The following ENPP3 variants were observed in gnomAD, a reference collection of about 807,000 sequenced individuals.
ENPP3 encodes the protein ectonucleotide pyrophosphatase/phosphodiesterase family member 3.
A neutral mutation model predicts 117.8 loss-of-function variants in ENPP3; 104 were observed. The observed-to-expected ratio is 0.88, with a 90% CI of 0.75 to 1.04. The LOEUF (loss-of-function observed/expected upper bound fraction) is 1.04, where lower values mean the gene tolerates loss of function less well. Among genes scored for constraint, ENPP3 ranks in the 50% least tolerant of loss-of-function variants. The pLI is 0.00. For missense variants in ENPP3, 1,026 were observed against 1,051.9 expected (o/e 0.98, Z 0.34); for synonymous variants, 380 against 349.9 (o/e 1.09, Z -0.96).
chr6:131,663,420 C>G (rs1331149340), intron 6 of ENPP3, among the ~76,000 whole-genome samples: 1 of 149,398 alleles, frequency 6.7e-6, no homozygotes, highest in Admixed American at 6.8e-5. Flanking sequence ...GGCATGGTTG[C>G]TTATATCTGC....
chr6:131,670,498 T>C (rs1252935720), intron 6 of ENPP3, among the ~76,000 whole-genome samples: 2 of 152,284 alleles, frequency 1.3e-5, no homozygotes, highest in Admixed American at 1.3e-4. Flanking sequence ...TATTTATTTA[T>C]TTATTTATTT....
intron 6 of ENPP3, among the ~76,000 whole-genome samples, chr6:131,670,329 G>C (rs941701309): frequency 6.6e-6 from 1 of 152,178 alleles, no homozygotes; most frequent in African/African-American, 2.4e-5. Flanking sequence ...AGATGCCAAT[G>C]CTATATAAAG....
chr6:131,710,710 T>C lies in ENPP3; in HGVS notation c.1413-7962T>C, dbSNP rs955589768. On this transcript the variant is annotated intron_variant, in intron 15 of 24. Transcript: ENST00000357639. ...AGATGACTCTACTTCATAGCCTTCA[T>C]ACTCTTTTTGAATAAGGCTAAACTT... 6.2e-7 allele frequency: 1 copy of C among 1,611,212 alleles called. No homozygotes were observed. The highest frequency in any genetic ancestry group is 2.2e-5 in the East Asian group (1 of 44,792).
intron 11 of ENPP3, among the ~76,000 whole-genome samples, chr6:131,679,089 T>TTTCCTTC (rs1562447085): frequency 3.6e-4 from 29 of 80,534 alleles, no homozygotes; most frequent in African/African-American, 1.5e-3. Flanking sequence ...TTCTTTCTTT[T>TTTCCTTC]CTTCTTTCTT....
chr6:131,726,336 G>A (rs1780154067), intron 20 of ENPP3, 136 bp downstream of exon 20: 2 of 676,574 alleles, frequency 3.0e-6, no homozygotes, highest in Non-Finnish European at 4.9e-6. Context: ...AAGACAATGT[G>A]CAAGTATTAG....
chr6:131,699,254 A>AAAAAAAAAAAG, intron 15 of ENPP3, among the ~76,000 whole-genome samples: 1 of 151,842 alleles, frequency 6.6e-6, no homozygotes, highest in African/African-American at 2.4e-5. Context: ...AAAAAAAAAA[A>AAAAAAAAAAAG]AAGGATAAAA....
At chr6:131,696,611 A>G (rs1779410630) in intron 15 of ENPP3, among the ~76,000 whole-genome samples, 1 of 152,200 alleles carries the variant, frequency 6.6e-6, no homozygotes, top group Non-Finnish European at 1.5e-5. Context: ...CCAAGCCTTA[A>G]CAGGGGCTGC....
intron 15 of ENPP3, among the ~76,000 whole-genome samples, chr6:131,706,054 A>T (rs1454786413): frequency 7.8e-6 from 1 of 128,824 alleles, no homozygotes; most frequent in Non-Finnish European, 1.5e-5. Context: ...TTGGAGGTGG[A>T]GTCTTGTTCT....
At position 131,685,512 on chromosome 6, in the gene ENPP3, C is replaced by T. The variant is rs1270796617; in HGVS notation, c.1252+17C>T. On this transcript the variant is annotated intron_variant, in intron 13 of 24. Transcript: ENST00000357639. The stretch of plus-strand genomic sequence containing the variant: ...TTTTTAGTTGTAAGTATGAAGACAC[C>T]TATATGAAAAAAAGGGTAAACCTGA... 5 of 1,604,924 alleles carry T rather than the reference C, an allele frequency of 3.1e-6. No homozygotes were observed. The highest frequency in any genetic ancestry group is 4.2e-6 in the Non-Finnish European group (5 of 1,177,308).
chr6:131,637,469 A>G lies in ENPP3; in HGVS notation c.78+7A>G. On this transcript the variant is annotated splice_region_variant and intron_variant, in intron 1 of 24. Transcript: ENST00000357639. ...ATATAAAATAGCTTGCATTGTAAGT[A>G]CAATTCTTATTTTTAGTCTTTCTAG... is the stretch of plus-strand genomic sequence containing the variant. The G allele has an allele frequency of 6.8e-7, 1 of 1,463,636 alleles. No individual in the cohort carries two copies. 90.7% of individuals were successfully genotyped at this position (1,463,636 alleles called of 1,614,324 possible). A position where few individuals can be genotyped will look rare whatever the true frequency, so the allele number is the denominator to read the frequency against.
intron 8 of ENPP3, 125 bp from the exon 9 acceptor site, chr6:131,674,955 T>C (rs527801804): frequency 8.2e-4 from 498 of 610,526 alleles, no homozygotes; most frequent in Non-Finnish European, 1.3e-3. Flanking sequence ...TTTTAATTAC[T>C]ACAAAGATTA....
chr6:131,651,126 G>A (rs1778253362), intron 3 of ENPP3, among the ~76,000 whole-genome samples: 1 of 151,946 alleles, frequency 6.6e-6, no homozygotes, highest in Admixed American at 6.6e-5. Flanking sequence ...CACCATGTTG[G>A]CCAGGCTGGT....
chr6:131,638,376 A>C, intron 1 of ENPP3: 1 of 312,630 alleles, frequency 3.2e-6, no homozygotes, highest in Non-Finnish European at 6.3e-6. Flanking sequence ...GCTTCACTAA[A>C]CCCTATCTAA....
chr6:131,644,302 T>A (rs1778112926), intron 2 of ENPP3, among the ~76,000 whole-genome samples: 1 of 152,182 alleles, frequency 6.6e-6, no homozygotes. Context: ...GGTTTGCTTT[T>A]TAATAGAATC....
chr6:131,686,252 T>C (rs1260894213), intron 14 of ENPP3, among the ~76,000 whole-genome samples: 4 of 152,212 alleles, frequency 2.6e-5, no homozygotes, highest in African/African-American at 9.6e-5. Context: ...TAGTGAATTA[T>C]ACCTCTTACA....
intron 2 of ENPP3, among the ~76,000 whole-genome samples, chr6:131,646,907 C>A (rs1438127481): frequency 6.8e-6 from 1 of 148,060 alleles, no homozygotes; most frequent in East Asian, 2.0e-4. Context: ...TTTTCCTCTT[C>A]TTTTTGTGAA....
At chr6:131,650,984 A>G (rs1036462196) in intron 3 of ENPP3, among the ~76,000 whole-genome samples, 1 of 152,050 alleles carries the variant, frequency 6.6e-6, no homozygotes, top group Non-Finnish European at 1.5e-5. Context: ...CAGTGGCACA[A>G]TCTTGGCTCA....
intron 20 of ENPP3, among the ~76,000 whole-genome samples, chr6:131,727,350 G>T (rs1232726746): frequency 1.3e-5 from 2 of 152,098 alleles, no homozygotes; most frequent in African/African-American, 2.4e-5. Flanking sequence ...GAGGTCAAGA[G>T]TTTGAGACTA....
chr6:131,693,019 G>T (rs1249203636), intron 14 of ENPP3, among the ~76,000 whole-genome samples: 2 of 136,274 alleles, frequency 1.5e-5, no homozygotes, highest in African/African-American at 5.5e-5. Flanking sequence ...AATATATATG[G>T]TTATATATGA....
Sources: gnomAD v4.1 joint callset for allele counts (sites outside exome capture counted in the v4.1 genomes callset) on GRCh38, gnomAD v4.1.1 for gene constraint, MANE v1.5 for transcripts, NCBI Gene and HGNC (gene_info 2026-07-23, HGNC 2026-07-21) for gene names.